The following AGAP1 variants were observed in gnomAD, a reference collection of about 807,000 sequenced individuals.
AGAP1 encodes arf-GAP with GTPase, ANK repeat and PH domain-containing protein 1.
Under a neutral mutation model 105.3 loss-of-function variants are expected in AGAP1, and 29 were observed. The ratio of observed to expected loss-of-function variants is 0.28; its 90% CI spans 0.21 to 0.38. AGAP1 has a LOEUF of 0.38. Among genes scored for constraint, AGAP1 ranks in the 10% least tolerant of loss-of-function variants. AGAP1 has a pLI of 1.00. For synonymous variants in AGAP1, 509 were observed against 485.9 expected (o/e 1.05, Z -0.63); for missense variants, 998 against 1,165.1 (o/e 0.86, Z 2.09).
At chr2:235,949,549 T>C (rs879733726) in intron 12 of AGAP1, among the ~76,000 whole-genome samples, 2 of 152,166 alleles carry the variant, frequency 1.3e-5, no homozygotes, top group Non-Finnish European at 2.9e-5. Context: ...TCTGCTTAAA[T>C]CCCTCGAACA....
intron 16 of AGAP1, among the ~76,000 whole-genome samples, chr2:236,063,020 T>C (rs2058246017): frequency 6.6e-6 from 1 of 152,176 alleles, no homozygotes; most frequent in African/African-American, 2.4e-5. Flanking sequence ...GATCCTGGCC[T>C]CCAGTGATCC....
chr2:235,763,697 C>G (rs547268971), intron 6 of AGAP1, among the ~76,000 whole-genome samples: 1 of 152,292 alleles, frequency 6.6e-6, no homozygotes, highest in African/African-American at 2.4e-5. Context: ...CCTGGCCACA[C>G]TGGGTATATT....
chr2:235,532,067 C>T (rs772538980), intron 1 of AGAP1, among the ~76,000 whole-genome samples: 4 of 152,076 alleles, frequency 2.6e-5, no homozygotes, highest in Non-Finnish European at 5.9e-5. Context: ...GTAGATTTTG[C>T]AGGAAATAGT....
At position 235,931,083 on chromosome 2, in the gene AGAP1, G is replaced by A. The variant is rs2052700366; in HGVS notation, c.1483+160G>A. Among the ~76,000 whole-genome samples the A allele has an allele frequency of 6.6e-6, 1 of 152,178 alleles. No homozygotes were observed. Among genetic ancestry groups the A allele is most frequent in the Non-Finnish European group, 1.5e-5 (1 of 68,042 alleles). On this transcript the variant is annotated intron_variant, in intron 12 of 17. Transcript: ENST00000304032. The surrounding 1 kb of genome is among the most constrained non-coding windows in gnomAD (Gnocchi z 5.6). The stretch of plus-strand genomic sequence containing the variant: ...ACTCACATCTTGCCTTTCATCTGTG[G>A]AACGTTTTGTCCTTGCTAGGCTGTC...
chr2:235,745,159 C>T (rs1952830356), intron 5 of AGAP1, among the ~76,000 whole-genome samples: 1 of 151,908 alleles, frequency 6.6e-6, no homozygotes. Context: ...TAGTCAAATA[C>T]ATATATATAT....
In AGAP1 at chr2:236,002,290, T is replaced by A. The variant is rs1404469310; in HGVS notation, c.1645+33667T>A. On this transcript the variant is annotated intron_variant, in intron 13 of 17. Coordinates refer to ENST00000304032, the MANE Select transcript of AGAP1 (RefSeq NM_001037131.3). This position sits in a 1 kb window ranked among gnomAD's most constrained non-coding sequence, Gnocchi z 4.3. ...CAGCCTGAGCCCAGGAGGCTCCTGG[T>A]CCCGTCCTGGAACAGCCGGTGACTC... Among the ~76,000 whole-genome samples the A allele has an allele frequency of 1.3e-5, 2 of 152,164 alleles. No individual in the cohort carries two copies. The highest frequency in any genetic ancestry group is 2.4e-5 in the African/African-American group (1 of 41,430).
At position 236,114,904 on chromosome 2, in the gene AGAP1, G is replaced by A. The variant is rs1216168629; in HGVS notation, c.2115-5288G>A. On this transcript the variant is annotated intron_variant, in intron 16 of 17. Transcript: ENST00000304032. This position sits in a 1 kb window ranked among gnomAD's most constrained non-coding sequence, Gnocchi z 5.0. ...AGATGTTGCTCCTGCAACTCTGACA[G>A]CTATGAGGTCATTTAAACCAGCCAG... 6.6e-6 allele frequency among the ~76,000 whole-genome samples: 1 copy of A among 152,148 alleles called. No homozygotes were observed. Among genetic ancestry groups the A allele is most frequent in the East Asian group, 1.9e-4 (1 of 5,182 alleles).
At chr2:235,896,354 T>C (rs1461885103) in intron 10 of AGAP1, among the ~76,000 whole-genome samples, 1 of 152,246 alleles carries the variant, frequency 6.6e-6, no homozygotes, top group East Asian at 1.9e-4. Context: ...GGATGGACAC[T>C]TGCTTTCACC....
chr2:235,596,220 G>A lies in AGAP1; in HGVS notation c.163+101371G>A, dbSNP rs191384744. ...CCAGCTCCATCTAAGGTGATTAAAC[G>A]GAGTCAGAACCCGGCCATGGATGTG... On this transcript the variant is annotated intron_variant, in intron 1 of 17. Coordinates refer to ENST00000304032, the MANE Select transcript of AGAP1 (RefSeq NM_001037131.3). This position sits in a 1 kb window ranked among gnomAD's most constrained non-coding sequence, Gnocchi z 5.9. 4.6e-5 allele frequency among the ~76,000 whole-genome samples: 7 copies of A among 152,304 alleles called. No individual in the cohort carries two copies. The highest frequency in any genetic ancestry group is 3.9e-4 in the Admixed American group (6 of 15,286).
chr2:236,108,674 G>A (rs774277423), intron 16 of AGAP1, among the ~76,000 whole-genome samples: 6 of 152,130 alleles, frequency 3.9e-5, no homozygotes, highest in Non-Finnish European at 7.3e-5. Flanking sequence ...GTGCACTTTC[G>A]GGAAGGGGTG....
chr2:235,624,208 C>G (rs1232903711), intron 1 of AGAP1, among the ~76,000 whole-genome samples: 1 of 152,162 alleles, frequency 6.6e-6, no homozygotes, highest in Non-Finnish European at 1.5e-5. Context: ...GTCATTTCTC[C>G]CTGATGGGAC....
rs1469966081 is a variant in AGAP1 at position 235,967,937 on chromosome 2, G to A, written c.1484-525G>A. 2.0e-5 allele frequency among the ~76,000 whole-genome samples: 3 copies of A among 152,110 alleles called. No individual in the cohort carries two copies. The highest frequency in any genetic ancestry group is 2.0e-4 in the Admixed American group (3 of 15,264). On this transcript the variant is annotated intron_variant, in intron 12 of 17. Coordinates refer to ENST00000304032, the MANE Select transcript of AGAP1 (RefSeq NM_001037131.3). The surrounding 1 kb of genome is among the most constrained non-coding windows in gnomAD (Gnocchi z 4.7). ...CATTGGTGAGAGAGAGAAAAAAATG[G>A]CATAGAATTTTTCACTGATAATAAA... is the stretch of plus-strand genomic sequence containing the variant.
At chr2:235,698,406 G>C (rs967852444) in intron 1 of AGAP1, among the ~76,000 whole-genome samples, 1 of 152,072 alleles carries the variant, frequency 6.6e-6, no homozygotes, top group African/African-American at 2.4e-5. Flanking sequence ...ACTGCAGTAA[G>C]ACAAATAGCT....
rs926547195 is a variant in AGAP1, at chr2:235,664,378, A to AT, written c.164-44793dup. On this transcript the variant is annotated intron_variant, in intron 1 of 17. Transcript: ENST00000304032. This position sits in a 1 kb window ranked among gnomAD's most constrained non-coding sequence, Gnocchi z 5.7. ...AGGTGCACACCACCACGCCCAGCTA[A>AT]TTTTTTTTGTATTTTTATAAATATA... Among the ~76,000 whole-genome samples the AT allele has an allele frequency of 1.4e-4, 21 of 151,610 alleles. No individual in the cohort carries two copies. Among genetic ancestry groups the AT allele is most frequent in the Middle Eastern group, 3.4e-3 (1 of 292 alleles).
rs1387489174 is a variant in AGAP1 at position 236,119,342 on chromosome 2, T to C, written c.2115-850T>C. 6.6e-6 allele frequency among the ~76,000 whole-genome samples: 1 copy of C among 152,184 alleles called. No homozygotes were observed. The highest frequency in any genetic ancestry group is 2.4e-5 in the African/African-American group (1 of 41,442). ...AAAAACTCAGCCATTCCTGACATTC[T>C]GTCCTTTCCACTTAAGCCTTCCCCA... On this transcript the variant is annotated intron_variant, in intron 16 of 17. Transcript: ENST00000304032. The surrounding 1 kb of genome is among the most constrained non-coding windows in gnomAD (Gnocchi z 6.6).
Position 235,924,986 on chromosome 2 carries a change from C to T in AGAP1, c.1325-5779C>T, listed in dbSNP as rs115765407. ...CTGAGGCCCGTGGAGAGCTGGCTGC[C>T]AGCAACAGTGGGGTGGGATGTGCTG... On this transcript the variant is annotated intron_variant, in intron 11 of 17. Transcript: ENST00000304032. Among the ~76,000 whole-genome samples the T allele has an allele frequency of 1.4e-3, 220 of 152,244 alleles. 1 individual carries two copies. Among genetic ancestry groups the T allele is most frequent in the African/African-American group, 5.1e-3 (212 of 41,538 alleles).
At chr2:235,854,753 G>A (rs544184068) in intron 9 of AGAP1, among the ~76,000 whole-genome samples, 3 of 152,336 alleles carry the variant, frequency 2.0e-5, no homozygotes, top group Admixed American at 1.3e-4. Flanking sequence ...GTCATGGCAC[G>A]AGCTCAAAAG....
Position 235,872,999 on chromosome 2 carries a change from G to A in AGAP1, c.1051-10346G>A, listed in dbSNP as rs114094398. ...GCAGCTCTGGAATTAGGAACCAGCC[G>A]TGCCCCAGGAGGGCAGAGGACCCTG... On this transcript the variant is annotated intron_variant, in intron 9 of 17. Coordinates refer to ENST00000304032, the MANE Select transcript of AGAP1 (RefSeq NM_001037131.3). The surrounding 1 kb of genome is among the most constrained non-coding windows in gnomAD (Gnocchi z 4.5). Among the ~76,000 whole-genome samples, 947 of 152,292 alleles carry A rather than the reference G, an allele frequency of 6.2e-3. 10 individuals are homozygous for A. The highest frequency in any genetic ancestry group is 0.022 in the African/African-American group (901 of 41,558).
At position 235,714,589 on chromosome 2, in the gene AGAP1, G is replaced by T. The variant is rs1161121156; in HGVS notation, c.223-2968G>T. Among the ~76,000 whole-genome samples, 1 of 151,710 alleles carries T rather than the reference G, an allele frequency of 6.6e-6. No homozygotes were observed. The highest frequency in any genetic ancestry group is 1.5e-5 in the Non-Finnish European group (1 of 67,982). ...GAGGGTTGTAACTGGGGTGTAAGAG[G>T]ACAGGACCGAGCATAGGTTTTAGAA... On this transcript the variant is annotated intron_variant, in intron 2 of 17. Coordinates refer to ENST00000304032, the MANE Select transcript of AGAP1 (RefSeq NM_001037131.3). This position sits in a 1 kb window ranked among gnomAD's most constrained non-coding sequence, Gnocchi z 4.1.
Sources: allele counts gnomAD v4.1 joint callset (sites outside exome capture counted in the v4.1 genomes callset), GRCh38; gene constraint gnomAD v4.1.1; non-coding constraint Gnocchi (gnomAD v3.1); transcripts MANE v1.5; gene names NCBI Gene and HGNC (gene_info 2026-07-23, HGNC 2026-07-21).